Variants in EPHB2 observed in about 807,000 individuals in gnomAD.
EPHB2 encodes the protein EPH receptor B2, also known as ephrin type-B receptor 2.
In EPHB2, 18 loss-of-function variants were observed where a neutral mutation model predicts 96.4. The observed-to-expected ratio is 0.19, with a 90% CI of 0.13 to 0.28. The LOEUF (loss-of-function observed/expected upper bound fraction) is 0.28. Among genes scored for constraint, EPHB2 ranks in the 10% least tolerant of loss-of-function variants. The pLI, the probability that EPHB2 is intolerant of heterozygous loss-of-function variation, is 1.00. For synonymous variants in EPHB2, 506 were observed against 534.1 expected (o/e 0.95, Z 0.72); for missense variants, 989 against 1,355.4 (o/e 0.73, Z 4.25).
At chr1:22,775,110 CA>C (rs1406404599) in intron 1 of EPHB2, 4 of 753,398 alleles carry the variant, frequency 5.3e-6, no homozygotes, top group Non-Finnish European at 9.9e-6. Flanking sequence ...TGCACACACA[CA>C]AGCCCTGATG....
At chr1:22,728,893 C>T (rs907484580) in intron 1 of EPHB2, among the ~76,000 whole-genome samples, 1 of 152,202 alleles carries the variant, frequency 6.6e-6, no homozygotes, top group East Asian at 1.9e-4. Flanking sequence ...ATGACAGCTC[C>T]CAGTGGCCTG....
At position 22,893,000 on chromosome 1, in the gene EPHB2, T is replaced by C. The variant is rs309472; in HGVS notation, c.1545T>C (p.Gly515=). Residue 515 remains glycine (G), a synonymous_variant, in exon 7 of 16, where the codon GGT becomes GGC. Transcript: ENST00000374630. The stretch of plus-strand genomic sequence containing the variant: ...AGGTGCGGGCACGCACCGTGGCAGG[T>C]TACGGGCGCTACAGCGGCAAGATGT... ...VFQVRARTVA[G]YGRYSGKMYF... 0.99 allele frequency: 1,605,603 copies of C among 1,614,264 alleles called. 798,497 individuals carry two copies. Among genetic ancestry groups the C allele is most frequent in the East Asian group, 1 (44,876 of 44,876 alleles).
rs1046555305 is a variant in EPHB2, at chr1:22,916,351, G to T, written c.*2781G>T. The T allele has an allele frequency of 6.6e-6, 1 of 152,340 alleles. No individual in the cohort carries two copies. Among genetic ancestry groups the T allele is most frequent in the Non-Finnish European group, 1.5e-5 (1 of 68,152 alleles). 9.4% of individuals were successfully genotyped at this position (152,340 alleles called of 1,614,324 possible). On this transcript the variant is annotated 3_prime_UTR_variant, in exon 16 of 16. Transcript: ENST00000374630. The surrounding 1 kb of genome is among the most constrained non-coding windows in gnomAD (Gnocchi z 4.2). The stretch of plus-strand genomic sequence containing the variant: ...CATGTCTGCCCCTCCACCCTCCAGG[G>T]CCGAGGTCCTCAGTGGCCATGGCCC...
Position 22,917,836 on chromosome 1 carries a change from C to A in EPHB2, c.*4266C>A, listed in dbSNP as rs1382525970. The A allele has an allele frequency of 1.3e-5, 2 of 152,202 alleles. No individual in the cohort carries two copies. The highest frequency in any genetic ancestry group is 4.8e-5 in the African/African-American group (2 of 41,406). The allele number at this position is 152,202 out of a possible 1,614,324, so 9.4% of individuals were successfully genotyped here. ...TGCTGGCCAATAAGAGAAAAGAAAGCTCAAGTGGGCTGGGGCTGTCAGGGA... is the reference window on the plus strand; with the variant it reads ...TGCTGGCCAATAAGAGAAAAGAAAGATCAAGTGGGCTGGGGCTGTCAGGGA... On this transcript the variant is annotated 3_prime_UTR_variant, in exon 16 of 16. Coordinates refer to ENST00000374630, the MANE Select transcript of EPHB2 (RefSeq NM_017449.5).
intron 3 of EPHB2, among the ~76,000 whole-genome samples, chr1:22,805,284 T>C (rs995620875): frequency 6.6e-6 from 1 of 152,162 alleles, no homozygotes; most frequent in Non-Finnish European, 1.5e-5. Flanking sequence ...GGTGACCCCA[T>C]TTGTGTGTCT....
intron 1 of EPHB2, among the ~76,000 whole-genome samples, chr1:22,715,035 G>A (rs549895655): frequency 6.6e-6 from 1 of 152,338 alleles, no homozygotes; most frequent in South Asian, 2.1e-4. Flanking sequence ...TGCCATGTTT[G>A]CTGTGACATC....
Position 22,864,915 on chromosome 1 carries a change from A to C in EPHB2, c.1006A>C (p.Asn336His). Residue 336 changes from asparagine (N) to histidine (H), a missense_variant, in exon 5 of 16, where the codon AAT (asparagine) becomes CAT (histidine). Asn to His is a moderately conservative substitution (Grantham distance 68). Transcript: ENST00000374630. ...GCCCCAGGCTGTGATTTCCAGTGTC[A>C]ATGAGACCTCCCTCATGCTGGAGTG... ...SAPQAVISSV[N>H]ETSLMLEWTP... 1 of 1,604,040 alleles carries C rather than the reference A, an allele frequency of 6.2e-7. No individual in the cohort carries two copies. The highest frequency in any genetic ancestry group is 8.5e-7 in the Non-Finnish European group (1 of 1,176,074).
intron 1 of EPHB2, among the ~76,000 whole-genome samples, chr1:22,763,942 C>T (rs1277014576): frequency 6.6e-6 from 1 of 152,146 alleles, no homozygotes; most frequent in Non-Finnish European, 1.5e-5. Flanking sequence ...CTTCTGACAT[C>T]ACATCTCTCT....
intron 1 of EPHB2, among the ~76,000 whole-genome samples, chr1:22,749,725 ATTCATTCATTCG>A (rs1363716339): frequency 1.3e-5 from 2 of 152,160 alleles, no homozygotes; most frequent in Non-Finnish European, 2.9e-5. Flanking sequence ...GGAGCCATTC[ATTCATTCATTCG>A]TTCATTCATT....
intron 3 of EPHB2, among the ~76,000 whole-genome samples, chr1:22,808,136 A>C (rs1045299776): frequency 6.6e-6 from 1 of 152,050 alleles, no homozygotes; most frequent in African/African-American, 2.4e-5. Flanking sequence ...TGTCACAAAA[A>C]AAAAAGAAAA....
At chr1:22,854,493 TAGAGTG>T (rs746278944) in intron 3 of EPHB2, among the ~76,000 whole-genome samples, 4 of 152,074 alleles carry the variant, frequency 2.6e-5, no homozygotes, top group African/African-American at 9.7e-5. Flanking sequence ...GCCTGGGTGA[TAGAGTG>T]AGAACCTGTC....
intron 1 of EPHB2, among the ~76,000 whole-genome samples, chr1:22,728,137 C>G (rs1643624845): frequency 6.6e-6 from 1 of 152,152 alleles, no homozygotes; most frequent in South Asian, 2.1e-4. Flanking sequence ...AGAATGTAAA[C>G]TTCACAAAGG....
At chr1:22,891,047 T>C (rs1639374217) in intron 6 of EPHB2, 1 of 455,896 alleles carries the variant, frequency 2.2e-6, no homozygotes, top group South Asian at 1.5e-5. Flanking sequence ...ACCCTATCAG[T>C]GTGAGCCTGT....
chr1:22,734,119 G>A (rs1034245265), intron 1 of EPHB2, among the ~76,000 whole-genome samples: 1 of 152,214 alleles, frequency 6.6e-6, no homozygotes, highest in African/African-American at 2.4e-5. Context: ...TTGGGCAGGG[G>A]GCTCATGTCT....
intron 3 of EPHB2, among the ~76,000 whole-genome samples, chr1:22,794,933 T>G (rs1450653253): frequency 6.6e-6 from 1 of 152,180 alleles, no homozygotes; most frequent in East Asian, 1.9e-4. Context: ...ATTGAGGAAG[T>G]TTATGCATTT....
intron 1 of EPHB2, among the ~76,000 whole-genome samples, chr1:22,744,380 C>G (rs1643940504): frequency 6.6e-6 from 1 of 151,474 alleles, no homozygotes; most frequent in East Asian, 1.9e-4. Context: ...CTACTGTCGA[C>G]CAGAAGCCTT....
intron 14 of EPHB2, among the ~76,000 whole-genome samples, chr1:22,911,173 A>C (rs1640091473): frequency 6.6e-6 from 1 of 151,714 alleles, no homozygotes; most frequent in Non-Finnish European, 1.5e-5. Flanking sequence ...TAAATAAATA[A>C]ATAAATAATT....
intron 1 of EPHB2, chr1:22,719,420 C>A (rs1057370109): frequency 6.5e-6 from 1 of 154,194 alleles, no homozygotes; most frequent in African/African-American, 2.4e-5. Context: ...CTGTTTCTGG[C>A]GTTTCTGAAA....
At chr1:22,807,698 A>G (rs1570315259) in intron 3 of EPHB2, among the ~76,000 whole-genome samples, 1 of 152,214 alleles carries the variant, frequency 6.6e-6, no homozygotes, top group Non-Finnish European at 1.5e-5. Flanking sequence ...GGAGGGCTCT[A>G]CAGAATTCCC....
Sources: allele counts gnomAD v4.1 joint callset (sites outside exome capture counted in the v4.1 genomes callset), GRCh38; gene constraint gnomAD v4.1.1; non-coding constraint Gnocchi (gnomAD v3.1); transcripts MANE v1.5; gene names NCBI Gene and HGNC (gene_info 2026-07-23, HGNC 2026-07-21).